TBC1D19: variants seen among roughly 807,000 people sequenced by gnomAD.
TBC1D19 encodes TBC1 domain family, member 19.
TBC1D19 carries 60 observed loss-of-function variants against 89.0 expected under a neutral mutation model. That is an observed-to-expected ratio of 0.67 (90% CI 0.55 to 0.84). TBC1D19 has a LOEUF of 0.84. TBC1D19 is among the 40% of genes least tolerant of loss of function. TBC1D19 has a pLI of 0.00. For synonymous variants in TBC1D19, 189 were observed against 199.7 expected (o/e 0.95, Z 0.45); for missense variants, 500 against 610.8 (o/e 0.82, Z 1.91).
chr4:26,592,762 C>G (rs1334000468), intron 1 of TBC1D19, among the ~76,000 whole-genome samples: 1 of 151,416 alleles, frequency 6.6e-6, no homozygotes, highest in Non-Finnish European at 1.5e-5. Flanking sequence ...AATAAAATAC[C>G]TAGGAATCCA....
the TBC1D19 span, among the ~76,000 whole-genome samples, chr4:26,812,750 T>C: frequency 6.6e-6 from 1 of 151,336 alleles, no homozygotes; most frequent in Non-Finnish European, 1.5e-5. This position sits in a 1 kb window ranked among gnomAD's most constrained non-coding sequence, Gnocchi z 4.2. Context: ...ATTTTTCTGG[T>C]ATTCAAAAAA....
chr4:26,751,749 CA>C (rs1375193431), intron 19 of TBC1D19, among the ~76,000 whole-genome samples: 5 of 152,184 alleles, frequency 3.3e-5, no homozygotes, highest in Non-Finnish European at 7.3e-5. Flanking sequence ...CTGTGCTTCC[CA>C]GTTACTGGTT....
downstream of TBC1D19, among the ~76,000 whole-genome samples, chr4:26,757,336 C>T (rs920441655): frequency 5.3e-5 from 8 of 152,116 alleles, no homozygotes; most frequent in African/African-American, 1.4e-4. Context: ...TCTTTAACCA[C>T]GCCTCCTTAG....
intron 15 of TBC1D19, among the ~76,000 whole-genome samples, chr4:26,723,922 T>G (rs1717137575): frequency 6.6e-6 from 1 of 152,174 alleles, no homozygotes; most frequent in Non-Finnish European, 1.5e-5. Flanking sequence ...CAAAGAATGA[T>G]GAACTTAACA....
At chr4:26,647,396 A>G (rs146745917) in intron 7 of TBC1D19, among the ~76,000 whole-genome samples, 2 of 152,320 alleles carry the variant, frequency 1.3e-5, no homozygotes, top group South Asian at 2.1e-4. Context: ...TGGACTTCAC[A>G]TGTAATCCTA....
the TBC1D19 span, among the ~76,000 whole-genome samples, chr4:26,828,566 A>G: frequency 6.6e-6 from 1 of 152,352 alleles, no homozygotes; most frequent in South Asian, 2.1e-4. Flanking sequence ...CCCCAAATCT[A>G]TGCACGTCCA....
the TBC1D19 span, among the ~76,000 whole-genome samples, chr4:26,800,511 GT>G: frequency 6.6e-6 from 1 of 152,150 alleles, no homozygotes; most frequent in Non-Finnish European, 1.5e-5. Context: ...AATCCTTTGG[GT>G]ATATACCCAG....
At chr4:26,695,996 T>C (rs1282073389) in intron 13 of TBC1D19, among the ~76,000 whole-genome samples, 18 of 152,186 alleles carry the variant, frequency 1.2e-4, no homozygotes, top group Admixed American at 8.5e-4. Context: ...AGGATCAAAT[T>C]CACACATAAC....
At chr4:26,727,242 C>T (rs768315410) in intron 15 of TBC1D19, among the ~76,000 whole-genome samples, 12 of 152,156 alleles carry the variant, frequency 7.9e-5, no homozygotes, top group Non-Finnish European at 1.6e-4. Flanking sequence ...AACATGACAA[C>T]CTCTAAGATC....
intron 11 of TBC1D19, among the ~76,000 whole-genome samples, chr4:26,678,679 C>T (rs1246741785): frequency 6.6e-6 from 1 of 151,940 alleles, no homozygotes; most frequent in Non-Finnish European, 1.5e-5. Flanking sequence ...GTGACTGCAC[C>T]TGTAAAAATA....
In TBC1D19 at chr4:26,638,629, C is replaced by T. The variant is rs575700224; in HGVS notation, c.370-142C>T. ...AAATAATAATTTAAATGCAGTTACCCCCCAAATTCAACATGTTTAATGAAA... is the reference window on the plus strand; with the variant it reads ...AAATAATAATTTAAATGCAGTTACCTCCCAAATTCAACATGTTTAATGAAA... On this transcript the variant is annotated intron_variant, in intron 5 of 20. Coordinates refer to ENST00000264866, the MANE Select transcript of TBC1D19 (RefSeq NM_018317.4). The T allele has an allele frequency of 2.7e-5, 17 of 627,158 alleles. No homozygotes were observed. The South Asian group carries it at 3.0e-4, about 11-fold the overall frequency. The allele number at this position is 627,158 out of a possible 1,614,324, so 38.8% of individuals were successfully genotyped here. A position where few individuals can be genotyped will look rare whatever the true frequency, so the allele number is the denominator to read the frequency against.
chr4:26,724,781 G>C (rs1259862965), intron 15 of TBC1D19, among the ~76,000 whole-genome samples: 1 of 152,054 alleles, frequency 6.6e-6, no homozygotes, highest in East Asian at 1.9e-4. Flanking sequence ...GGTCTTCTTG[G>C]GTAAGTTTTA....
chr4:26,741,665 G>A (rs1014439626), intron 17 of TBC1D19, among the ~76,000 whole-genome samples: 1 of 151,006 alleles, frequency 6.6e-6, no homozygotes, highest in Non-Finnish European at 1.5e-5. Context: ...AAAAACTTAC[G>A]GGCAGTCACC....
At chr4:26,775,607 A>G in the TBC1D19 span, among the ~76,000 whole-genome samples, 1 of 152,198 alleles carries the variant, frequency 6.6e-6, no homozygotes, top group Admixed American at 6.5e-5. Context: ...CCATCAGATG[A>G]CACAGCAAAA....
chr4:26,701,900 C>A (rs1358277763), intron 13 of TBC1D19, among the ~76,000 whole-genome samples: 8 of 152,146 alleles, frequency 5.3e-5, no homozygotes, highest in Admixed American at 5.2e-4. Flanking sequence ...CAGCCAAAGG[C>A]CAATAATGGC....
chr4:26,826,286 C>T, the TBC1D19 span, among the ~76,000 whole-genome samples: 1 of 152,192 alleles, frequency 6.6e-6, no homozygotes, highest in African/African-American at 2.4e-5. Flanking sequence ...TAGGACTTCG[C>T]ATTCTGCCTG....
the TBC1D19 span, among the ~76,000 whole-genome samples, chr4:26,845,477 A>G: frequency 4.6e-5 from 7 of 152,192 alleles, no homozygotes; most frequent in Non-Finnish European, 8.8e-5. Flanking sequence ...ACTATTATCC[A>G]TCTCCAGAAC....
At chr4:26,718,133 C>T (rs1042325376) in intron 14 of TBC1D19, 116 bp downstream of exon 14, 1 of 711,838 alleles carries the variant, frequency 1.4e-6, no homozygotes. Flanking sequence ...CTTAAGATTT[C>T]TCTCAGATGA....
chr4:26,637,280 C>T lies in TBC1D19; in HGVS notation c.364C>T (p.Arg122Ter), dbSNP rs775410732. 4.4e-6 allele frequency: 7 copies of T among 1,606,600 alleles called. No homozygotes were observed. The highest frequency in any genetic ancestry group is 2.2e-5 in the East Asian group (1 of 44,506). Residue 122 changes from arginine (R) to a stop codon, truncating the protein, a stop_gained, in exon 5 of 21, where the codon CGA becomes TGA. Transcript: ENST00000264866. LOFTEE classifies it high-confidence loss of function. ...MCTELSIPLARKRPVGEQKEL... is the reference protein window; with the variant it reads ...MCTELSIPLA ...CACTGAACTGAGTATCCCACTGGCA[C>T]GAAAGGTACTTTTAAACATTTTTCT...
Sources: allele counts gnomAD v4.1 joint callset (sites outside exome capture counted in the v4.1 genomes callset), GRCh38; gene constraint gnomAD v4.1.1; non-coding constraint Gnocchi (gnomAD v3.1); transcripts MANE v1.5; gene names NCBI Gene and HGNC (gene_info 2026-07-23, HGNC 2026-07-21).